The following SP9 variants were observed in gnomAD, a reference collection of about 807,000 sequenced individuals.
SP9 encodes Sp9 transcription factor.
Under a neutral mutation model 23.0 loss-of-function variants are expected in SP9, and 5 were observed. That is an observed-to-expected ratio of 0.22 (90% confidence interval 0.11 to 0.46). SP9 has a LOEUF of 0.46. Ranked by LOEUF, SP9 falls within the 20% of genes least tolerant of loss-of-function variation. The pLI is 0.99. For missense variants in SP9, 542 were observed against 724.0 expected, an observed-to-expected ratio of 0.75 and a Z score of 2.88; for synonymous variants, 360 against 356.5, an observed-to-expected ratio of 1.01 and a Z score of -0.11.
In SP9 at chr2:174,335,037, A is replaced by G. The variant is rs1684382513; in HGVS notation, c.-56A>G. 6.5e-7 allele frequency: 1 copy of G among 1,543,896 alleles called. No individual in the cohort carries two copies. The highest frequency in any genetic ancestry group is 8.8e-7 in the Non-Finnish European group (1 of 1,141,158). On this transcript the variant is annotated 5_prime_UTR_variant, in exon 1 of 2. Coordinates refer to ENST00000394967, the MANE Select transcript of SP9 (RefSeq NM_001145250.2). Reference sequence around the variant, plus strand: ...GCGCGGGACCCAAGCAGTTTTTCCGAGCAGCCGCCAGGCTCAGCCCCGCTC... The same window carrying G: ...GCGCGGGACCCAAGCAGTTTTTCCGGGCAGCCGCCAGGCTCAGCCCCGCTC...
In SP9 at chr2:174,336,925, C is replaced by A; in HGVS notation, c.840C>A (p.Ser280Arg). ...CCGCCGTGGCAGCCGCCGCCGCCAG[C>A]GCCATGATATCGGGCGCCGCGGCTG... ...SSAAVAAAAA[S>R]AMISGAAAAA... is the part of the protein sequence containing the mutation. The change falls in exon 2 of 2, where the codon AGC (serine) becomes AGA (arginine). Residue 280 changes from serine (S) to arginine (R), a missense_variant. Ser to Arg is a moderately radical substitution (Grantham distance 110). Coordinates refer to ENST00000394967, the MANE Select transcript of SP9 (RefSeq NM_001145250.2). 1 of 1,482,716 alleles carries A rather than the reference C, an allele frequency of 6.7e-7. No individual in the cohort carries two copies. Among genetic ancestry groups the A allele is most frequent in the Non-Finnish European group, 8.9e-7 (1 of 1,124,324 alleles). The allele number at this position is 1,482,716 out of a possible 1,614,324, so 91.8% of individuals were successfully genotyped here.
In SP9 at chr2:174,336,205, C is replaced by A; in HGVS notation, c.120C>A (p.Ser40Arg). The A allele has an allele frequency of 6.5e-7, 1 of 1,550,326 alleles. No homozygotes were observed. Residue 40 changes from serine to arginine, a missense_variant, in exon 2 of 2, where the codon AGC (serine) becomes AGA (arginine). Physicochemically the swap from Ser to Arg is moderately radical, Grantham distance 110 (BLOSUM62 -1). Coordinates refer to ENST00000394967, the MANE Select transcript of SP9 (RefSeq NM_001145250.2). ...TSPLTTLPES[S>R]AFAKGGFHPW... ...CGCTGACGACGCTGCCAGAGTCGAG[C>A]GCCTTCGCCAAAGGCGGCTTTCACC...
Position 174,336,530 on chromosome 2 carries a change from G to T in SP9, c.445G>T (p.Val149Leu). The change falls in exon 2 of 2, where the codon GTG (valine) becomes TTG (leucine). Residue 149 changes from valine (V) to leucine (L), a missense_variant. Val to Leu is a conservative substitution (Grantham distance 32, BLOSUM62 1). Coordinates refer to ENST00000394967, the MANE Select transcript of SP9 (RefSeq NM_001145250.2). ...TTAADGLYPRVGMAHPYESWY... is the reference protein window; with the variant it reads ...TTAADGLYPRLGMAHPYESWY... ...GGCAGCCGACGGGCTGTACCCGCGC[G>T]TGGGCATGGCGCACCCGTACGAGTC... The T allele has an allele frequency of 6.9e-7, 1 of 1,444,188 alleles. No individual in the cohort carries two copies. The highest frequency in any genetic ancestry group is 1.4e-5 in the South Asian group (1 of 70,722). 89.5% of individuals were successfully genotyped at this position (1,444,188 alleles called of 1,614,324 possible). A position where few individuals can be genotyped will look rare whatever the true frequency, so the allele number is the denominator to read the frequency against.
chr2:174,337,084 C>G lies in SP9; in HGVS notation c.999C>G (p.Ser333Arg). The G allele has an allele frequency of 1.3e-6, 2 of 1,587,022 alleles. No homozygotes were observed. Among genetic ancestry groups the G allele is most frequent in the Non-Finnish European group, 1.7e-6 (2 of 1,170,118 alleles). The change falls in exon 2 of 2, where the codon AGC becomes AGG. Residue 333 changes from serine to arginine, a missense_variant. Ser to Arg is a moderately radical substitution (Grantham distance 110). Around this residue, in one of 8 missense-constraint regions of SP9, gnomAD observed 56 missense variants for 97.8 expected, o/e 0.57. Transcript: ENST00000394967. ...GASLRRKGLH[S>R]CHIPGCGKVY... ...GCCTGCGGCGCAAGGGCCTGCACAG[C>G]TGCCACATTCCGGGCTGCGGCAAGG...
At chr2:174,335,705 G>T in intron 1 of SP9, 1 of 201,432 alleles carries the variant, frequency 5.0e-6, no homozygotes, top group Non-Finnish European at 1.0e-5. Flanking sequence ...GGCCGCCTCC[G>T]CCCTCACCCG....
chr2:174,335,015 C>T lies in SP9; in HGVS notation c.-78C>T. The T allele has an allele frequency of 6.7e-7, 1 of 1,503,114 alleles. No individual in the cohort carries two copies. The highest frequency in any genetic ancestry group is 2.0e-5 in the Admixed American group (1 of 50,248). The allele number at this position is 1,503,114 out of a possible 1,614,324, so 93.1% of individuals were successfully genotyped here. A position where few individuals can be genotyped will look rare whatever the true frequency, so the allele number is the denominator to read the frequency against. Reference sequence around the variant, plus strand: ...CGAGCGCGGGGACGCGGGAGCCGCGCGGGACCCAAGCAGTTTTTCCGAGCA... The same window carrying T: ...CGAGCGCGGGGACGCGGGAGCCGCGTGGGACCCAAGCAGTTTTTCCGAGCA... On this transcript the variant is annotated 5_prime_UTR_variant, in exon 1 of 2. Transcript: ENST00000394967.
chr2:174,335,716 G>C (rs961437447), intron 1 of SP9: 7 of 212,852 alleles, frequency 3.3e-5, no homozygotes, highest in South Asian at 1.2e-4. Flanking sequence ...CCCTCACCCG[G>C]TGTTTGTTGT....
rs1353351992 is a variant in SP9, at chr2:174,336,929, A to G, written c.844A>G (p.Met282Val). The G allele has an allele frequency of 1.4e-6, 2 of 1,462,172 alleles. No homozygotes were observed. Among genetic ancestry groups the G allele is most frequent in the African/African-American group, 1.5e-5 (1 of 67,424 alleles). 90.6% of individuals were successfully genotyped at this position (1,462,172 alleles called of 1,614,324 possible). A position where few individuals can be genotyped will look rare whatever the true frequency, so the allele number is the denominator to read the frequency against. ...CGTGGCAGCCGCCGCCGCCAGCGCC[A>G]TGATATCGGGCGCCGCGGCTGCCGC... The part of the protein sequence containing the change: ...AAVAAAAASA[M>V]ISGAAAAAAG... Residue 282 changes from methionine (M) to valine (V), a missense_variant, in exon 2 of 2, where the codon ATG becomes GTG. Coordinates refer to ENST00000394967, the MANE Select transcript of SP9 (RefSeq NM_001145250.2).
chr2:174,337,728 C>T lies in SP9; in HGVS notation c.*188C>T, dbSNP rs1335012088. On this transcript the variant is annotated 3_prime_UTR_variant, in exon 2 of 2. Transcript: ENST00000394967. Reference sequence around the variant, plus strand: ...GGTTCGCCCGCTGTGCGAGGAGCTCCCCTCTGCCTTCCGCGCCCGGATAAG... The same window carrying T: ...GGTTCGCCCGCTGTGCGAGGAGCTCTCCTCTGCCTTCCGCGCCCGGATAAG... 3 of 675,898 alleles carry T rather than the reference C, an allele frequency of 4.4e-6. No homozygotes were observed. The highest frequency in any genetic ancestry group is 5.6e-6 in the Non-Finnish European group (3 of 533,596). The allele number at this position is 675,898 out of a possible 1,614,324, so 41.9% of individuals were successfully genotyped here.
chr2:174,335,001 A>ACGCGGGAGCCG lies in SP9; in HGVS notation c.-84_-74dup. 1 of 1,437,422 alleles carries ACGCGGGAGCCG rather than the reference A, an allele frequency of 7.0e-7. No individual in the cohort carries two copies. Among genetic ancestry groups the ACGCGGGAGCCG allele is most frequent in the Non-Finnish European group, 9.5e-7 (1 of 1,047,564 alleles). The allele number at this position is 1,437,422 out of a possible 1,614,324, so 89.0% of individuals were successfully genotyped here. A position where few individuals can be genotyped will look rare whatever the true frequency, so the allele number is the denominator to read the frequency against. Reference sequence around the variant, plus strand: ...GAGTCCGCTCGGCACGAGCGCGGGGACGCGGGAGCCGCGCGGGACCCAAGC... The same window carrying ACGCGGGAGCCG: ...GAGTCCGCTCGGCACGAGCGCGGGGACGCGGGAGCCGCGCGGGAGCCGCGCGGGACCCAAGC... On this transcript the variant is annotated 5_prime_UTR_variant, in exon 1 of 2. Transcript: ENST00000394967.
rs148688134 is a variant in SP9 at position 174,337,709 on chromosome 2, C to T, written c.*169C>T. ...CTCAGGGCTCCCGGGCTGCGGTTCGCCCGCTGTGCGAGGAGCTCCCCTCTG... is the reference window on the plus strand; with the variant it reads ...CTCAGGGCTCCCGGGCTGCGGTTCGTCCGCTGTGCGAGGAGCTCCCCTCTG... On this transcript the variant is annotated 3_prime_UTR_variant, in exon 2 of 2. Coordinates refer to ENST00000394967, the MANE Select transcript of SP9 (RefSeq NM_001145250.2). The T allele has an allele frequency of 2.5e-3, 2,205 of 875,932 alleles. 348 individuals are homozygous for T. In the East Asian group the frequency reaches 0.15, roughly 58 times the overall value. The allele number at this position is 875,932 out of a possible 1,614,324, so 54.3% of individuals were successfully genotyped here.
At position 174,337,451 on chromosome 2, in the gene SP9, G is replaced by T; in HGVS notation, c.1366G>T (p.Ala456Ser). The change falls in exon 2 of 2, where the codon GCG (alanine) becomes TCG (serine). Residue 456 changes from alanine to serine, a missense_variant. By Grantham distance (99) the Ala-to-Ser change is moderately conservative. Around this residue, in one of 8 missense-constraint regions of SP9, gnomAD observed 55 missense variants for 56.1 expected, o/e 0.98. Transcript: ENST00000394967. ...HDSGVSAARA[A>S]AAAAAAAAAA... ...CTCCGGCGTCAGTGCCGCCCGGGCG[G>T]CGGCAGCGGCGGCGGCGGCAGCGGC... The T allele has an allele frequency of 8.0e-7, 1 of 1,248,378 alleles. No individual in the cohort carries two copies. Among genetic ancestry groups the T allele is most frequent in the Non-Finnish European group, 1.0e-6 (1 of 982,702 alleles). The allele number at this position is 1,248,378 out of a possible 1,614,324, so 77.3% of individuals were successfully genotyped here.
chr2:174,337,049 G>A lies in SP9; in HGVS notation c.964G>A (p.Ala322Thr), dbSNP rs757031899. Residue 322 changes from alanine to threonine, a missense_variant, in exon 2 of 2, where the codon GCC becomes ACC. This residue lies in a region of SP9 where 56 missense variants were observed against 97.8 expected (regional missense o/e 0.57). Coordinates refer to ENST00000394967, the MANE Select transcript of SP9 (RefSeq NM_001145250.2). ...CCAGGAGGCGGAGCGGCTGGGCCCG[G>A]CCGGGGCGAGCCTGCGGCGCAAGGG... The part of the protein sequence containing the change: ...NCQEAERLGP[A>T]GASLRRKGLH... The A allele has an allele frequency of 1.2e-5, 19 of 1,531,692 alleles. No homozygotes were observed. The highest frequency in any genetic ancestry group is 1.4e-5 in the Non-Finnish European group (16 of 1,145,508). The allele number at this position is 1,531,692 out of a possible 1,614,324, so 94.9% of individuals were successfully genotyped here. A position where few individuals can be genotyped will look rare whatever the true frequency, so the allele number is the denominator to read the frequency against.
chr2:174,336,744 A>G lies in SP9; in HGVS notation c.659A>G (p.Tyr220Cys). 1 of 1,532,828 alleles carries G rather than the reference A, an allele frequency of 6.5e-7. No homozygotes were observed. Among genetic ancestry groups the G allele is most frequent in the South Asian group, 1.2e-5 (1 of 83,478 alleles). The allele number at this position is 1,532,828 out of a possible 1,614,324, so 95.0% of individuals were successfully genotyped here. The change falls in exon 2 of 2, where the codon TAC (tyrosine) becomes TGC (cysteine). Residue 220 changes from tyrosine (Y) to cysteine (C), a missense_variant. Physicochemically the swap from Tyr to Cys is radical, Grantham distance 194. This residue lies in a region of SP9 where 144 missense variants were observed against 158.7 expected (regional missense o/e 0.91). Transcript: ENST00000394967. ...QASLHSQLGTYNPDFSSLTHS... is the reference protein window; with the variant it reads ...QASLHSQLGTCNPDFSSLTHS... ...TCGCTGCACTCGCAGCTGGGCACCT[A>G]CAACCCCGACTTCAGCTCGCTCACG...
At position 174,336,250 on chromosome 2, in the gene SP9, C is replaced by T. The variant is rs1684409423; in HGVS notation, c.165C>T (p.Ser55=). The T allele has an allele frequency of 6.5e-7, 1 of 1,546,208 alleles. No homozygotes were observed. Among genetic ancestry groups the T allele is most frequent in the Non-Finnish European group, 8.7e-7 (1 of 1,145,100 alleles). ...GGFHPWKRSS[S]SCNLGSSLSG... is the part of the protein sequence containing the mutation. ...TTCACCCCTGGAAGCGCTCCTCGTC[C>T]AGCTGCAACCTCGGCTCCAGCCTCT... Residue 55 remains serine (S), a synonymous_variant, in exon 2 of 2, where the codon TCC becomes TCT. Coordinates refer to ENST00000394967, the MANE Select transcript of SP9 (RefSeq NM_001145250.2).
At position 174,337,544 on chromosome 2, in the gene SP9, C is replaced by T. The variant is rs1684440004; in HGVS notation, c.*4C>T. On this transcript the variant is annotated 3_prime_UTR_variant, in exon 2 of 2. Coordinates refer to ENST00000394967, the MANE Select transcript of SP9 (RefSeq NM_001145250.2). Reference sequence around the variant, plus strand: ...GTCTGGCCCCAACGACTCTTAGAGGCCGGGCGAGAGGCGCGAGCACACAAG... The same window carrying T: ...GTCTGGCCCCAACGACTCTTAGAGGTCGGGCGAGAGGCGCGAGCACACAAG... The T allele has an allele frequency of 8.6e-7, 1 of 1,158,082 alleles. No individual in the cohort carries two copies. The highest frequency in any genetic ancestry group is 1.1e-6 in the Non-Finnish European group (1 of 939,914). The allele number at this position is 1,158,082 out of a possible 1,614,324, so 71.7% of individuals were successfully genotyped here.
chr2:174,335,201 C>T, intron 1 of SP9, 88 bp downstream of exon 1: 1 of 1,402,106 alleles, frequency 7.1e-7, no homozygotes, highest in Non-Finnish European at 9.9e-7. Flanking sequence ...TCCGGAGAAA[C>T]TGTTGCTGCT....
chr2:174,335,147 T>C, intron 1 of SP9, 34 bp downstream of exon 1: 1 of 1,551,640 alleles, frequency 6.4e-7, no homozygotes, highest in Non-Finnish European at 8.7e-7. Context: ...ATTTGCTTGT[T>C]TTAACCGGAG....
In SP9 at chr2:174,337,446, GGGCGGCGGCAGC is replaced by G. The variant is rs1559049427; in HGVS notation, c.1371_1382del (p.Ala467_Ala470del). ...CATGACTCCGGCGTCAGTGCCGCCC[GGGCGGCGGCAGC>G]GGCGGCGGCGGCAGCGGCGGCGGCG... On this transcript the variant is annotated inframe_deletion, in exon 2 of 2. Coordinates refer to ENST00000394967, the MANE Select transcript of SP9 (RefSeq NM_001145250.2). 29 of 1,314,438 alleles carry G rather than the reference GGGCGGCGGCAGC, an allele frequency of 2.2e-5. 1 individual carries two copies. Among genetic ancestry groups the G allele is most frequent in the Non-Finnish European group, 2.5e-5 (26 of 1,029,812 alleles). The allele number at this position is 1,314,438 out of a possible 1,614,324, so 81.4% of individuals were successfully genotyped here. A position where few individuals can be genotyped will look rare whatever the true frequency, so the allele number is the denominator to read the frequency against.
Sources: allele counts gnomAD v4.1 joint callset, GRCh38; gene constraint gnomAD v4.1.1; regional missense constraint gnomAD v4.1.1; transcripts MANE v1.5; gene names NCBI Gene and HGNC (gene_info 2026-07-23, HGNC 2026-07-21).